The following RIMS3 variants were observed in gnomAD, a reference collection of about 807,000 sequenced individuals.
RIMS3 encodes regulating synaptic membrane exocytosis protein 3.
A neutral mutation model predicts 29.2 loss-of-function variants in RIMS3; 15 were observed. The ratio of observed to expected loss-of-function variants is 0.51; its 90% CI spans 0.34 to 0.79. The LOEUF is 0.79. RIMS3 is among the 30% of genes least tolerant of loss of function. RIMS3 has a pLI of 0.01. For synonymous variants in RIMS3, 161 were observed against 170.1 expected, an observed-to-expected ratio of 0.95 and a Z score of 0.41; for missense variants, 342 against 421.4, an observed-to-expected ratio of 0.81 and a Z score of 1.65.
In RIMS3 at chr1:40,622,258, T is replaced by G. The variant is rs1180390403; in HGVS notation, c.*4259A>C. ...ATTGCTCTGAGATGCTCAGGCACGCTTTTAAAAGAATCCTTTCCCAGCCAG... is the reference window on the plus strand; with the variant it reads ...ATTGCTCTGAGATGCTCAGGCACGCGTTTAAAAGAATCCTTTCCCAGCCAG... On this transcript the variant is annotated 3_prime_UTR_variant, in exon 8 of 8. Transcript: ENST00000372684. 6.5e-6 allele frequency: 1 copy of G among 152,704 alleles called. No homozygotes were observed. The highest frequency in any genetic ancestry group is 1.5e-5 in the Non-Finnish European group (1 of 68,094). 9.5% of individuals were successfully genotyped at this position (152,704 alleles called of 1,614,324 possible).
upstream of RIMS3, among the ~76,000 whole-genome samples, chr1:40,666,778 G>A (rs1642433214): frequency 6.6e-6 from 1 of 152,134 alleles, no homozygotes; most frequent in African/African-American, 2.4e-5. Flanking sequence ...CTGTACCAGT[G>A]TTTTGGGAGG....
At position 40,635,870 on chromosome 1, in the gene RIMS3, A is replaced by C. The variant is rs937439674; in HGVS notation, c.359+46T>G. 1 of 1,599,800 alleles carries C rather than the reference A, an allele frequency of 6.3e-7. No homozygotes were observed. Among genetic ancestry groups the C allele is most frequent in the South Asian group, 1.1e-5 (1 of 90,664 alleles). ...CCCTGCCCAGTGGCTCTGTGACTGG[A>C]GGACCGAGGAGGAGGGAGGGGACCA... On this transcript the variant is annotated intron_variant, in intron 4 of 7. Transcript: ENST00000372684. This position sits in a 1 kb window ranked among gnomAD's most constrained non-coding sequence, Gnocchi z 4.1.
the RIMS3 span, among the ~76,000 whole-genome samples, chr1:40,678,493 C>T: frequency 6.6e-6 from 1 of 152,210 alleles, no homozygotes; most frequent in African/African-American, 2.4e-5. Flanking sequence ...CATCCTTCCC[C>T]GGCCCCTCTG....
intron 1 of RIMS3, among the ~76,000 whole-genome samples, chr1:40,650,465 C>T (rs571396685): frequency 1.3e-5 from 2 of 152,328 alleles, no homozygotes; most frequent in South Asian, 4.1e-4. Flanking sequence ...CCCACAAGCC[C>T]ATGTGAACTG....
chr1:40,684,200 A>G, the RIMS3 span, among the ~76,000 whole-genome samples: 1 of 152,238 alleles, frequency 6.6e-6, no homozygotes, highest in Non-Finnish European at 1.5e-5. Flanking sequence ...GGTCTTCAGA[A>G]TGATAAAGCA....
At chr1:40,661,870 C>A (rs1311290406) in intron 1 of RIMS3, among the ~76,000 whole-genome samples, 1 of 152,202 alleles carries the variant, frequency 6.6e-6, no homozygotes, top group Non-Finnish European at 1.5e-5. Flanking sequence ...GTTGGGAGAA[C>A]CTGGCCCCAA....
intron 6 of RIMS3, 91 bp from the exon 7 acceptor site, chr1:40,629,040 G>C: frequency 6.5e-7 from 1 of 1,527,612 alleles, no homozygotes; most frequent in Admixed American, 1.7e-5. Context: ...TCTTGGAGGT[G>C]AGCAGGATGT....
chr1:40,691,033 C>G, the RIMS3 span: 1 of 152,176 alleles, frequency 6.6e-6, no homozygotes, highest in African/African-American at 2.4e-5. Flanking sequence ...GGATACAATC[C>G]TGATGCCTTT....
chr1:40,637,023 G>T (rs2148347847), intron 3 of RIMS3, among the ~76,000 whole-genome samples: 1 of 152,346 alleles, frequency 6.6e-6, no homozygotes, highest in Non-Finnish European at 1.5e-5. Context: ...ACTTGATGGG[G>T]AGGGAACTGG....
chr1:40,646,410 T>C (rs1646595829), intron 2 of RIMS3, among the ~76,000 whole-genome samples: 2 of 152,150 alleles, frequency 1.3e-5, no homozygotes, highest in South Asian at 4.1e-4. Flanking sequence ...CCGTGTCACA[T>C]GTTGGTGATT....
At chr1:40,628,770 CTG>C (rs745609504) in intron 7 of RIMS3, 38 bp downstream of exon 7, 8 of 1,613,868 alleles carry the variant, frequency 5.0e-6, no homozygotes, top group South Asian at 4.4e-5. Context: ...AACTTCCAGT[CTG>C]TGAGTCCACC....
the RIMS3 span, among the ~76,000 whole-genome samples, chr1:40,689,760 A>G: frequency 6.6e-6 from 1 of 152,198 alleles, no homozygotes; most frequent in African/African-American, 2.4e-5. Context: ...TTAGGCTTAT[A>G]TGTATCAATT....
Position 40,625,128 on chromosome 1 carries a change from T to A in RIMS3, c.*1389A>T, listed in dbSNP as rs1341815143. ...CGGGACAGATTTCACAGGGTCCAGT[T>A]CAGGCACTGGTCTCCACCAACAGGG... On this transcript the variant is annotated 3_prime_UTR_variant, in exon 8 of 8. Transcript: ENST00000372684. 1 of 152,454 alleles carries A rather than the reference T, an allele frequency of 6.6e-6. No individual in the cohort carries two copies. 9.4% of individuals were successfully genotyped at this position (152,454 alleles called of 1,614,324 possible).
chr1:40,631,729 C>T (rs558583151), intron 5 of RIMS3, among the ~76,000 whole-genome samples: 14 of 151,654 alleles, frequency 9.2e-5, no homozygotes, highest in South Asian at 2.1e-4. Context: ...CCTGTAATCC[C>T]GGTACTTTGG....
rs750564585 is a variant in RIMS3, at chr1:40,629,388, G to A, written c.473-16C>T. On this transcript the variant is annotated splice_polypyrimidine_tract_variant and intron_variant, in intron 5 of 7. Coordinates refer to ENST00000372684, the MANE Select transcript of RIMS3 (RefSeq NM_014747.3). Reference sequence around the variant, plus strand: ...TGCACATCTCCTGAAAGGAAGAAGAGGGTGAGTCCAGGCAGGGCCAGACCA... The same window carrying A: ...TGCACATCTCCTGAAAGGAAGAAGAAGGTGAGTCCAGGCAGGGCCAGACCA... The A allele has an allele frequency of 2.8e-5, 45 of 1,609,166 alleles. No homozygotes were observed. In the African/African-American group the frequency reaches 5.9e-4, roughly 21 times the overall value.
the RIMS3 span, among the ~76,000 whole-genome samples, chr1:40,672,182 G>A: frequency 6.7e-6 from 1 of 148,946 alleles, no homozygotes; most frequent in African/African-American, 2.5e-5. Context: ...AGAGGTAGGA[G>A]ATAGCTAGAT....
chr1:40,644,368 T>G (rs1646580649), intron 2 of RIMS3, among the ~76,000 whole-genome samples: 1 of 152,212 alleles, frequency 6.6e-6, no homozygotes, highest in African/African-American at 2.4e-5. Flanking sequence ...ATATAGACAT[T>G]TACTCTCCCT....
intron 1 of RIMS3, among the ~76,000 whole-genome samples, chr1:40,661,800 T>C (rs1382772287): frequency 6.6e-6 from 1 of 152,220 alleles, no homozygotes; most frequent in African/African-American, 2.4e-5. Context: ...AGAGCTGGGA[T>C]GTGGGCACAG....
rs58578342 is a variant in RIMS3 at position 40,650,863 on chromosome 1, C to CAAAAAAAAA, written c.-206-3030_-206-3022dup. On this transcript the variant is annotated intron_variant, in intron 1 of 7. Coordinates refer to ENST00000372684, the MANE Select transcript of RIMS3 (RefSeq NM_014747.3). ...CCTGGATGACAGAGCCAGACTCTGT[C>CAAAAAAAAA]AAAAAAAAAAAAAAAAAAAAAAAAA... Among the ~76,000 whole-genome samples, 6 of 64,566 alleles carry CAAAAAAAAA rather than the reference C, an allele frequency of 9.3e-5. 1 individual carries two copies. The highest frequency in any genetic ancestry group is 4.6e-4 in the African/African-American group (6 of 13,130). 42.4% of individuals were successfully genotyped at this position (64,566 alleles called of 152,430 possible).
Sources: allele counts gnomAD v4.1 joint callset (sites outside exome capture counted in the v4.1 genomes callset), GRCh38; gene constraint gnomAD v4.1.1; non-coding constraint Gnocchi (gnomAD v3.1); transcripts MANE v1.5; gene names NCBI Gene and HGNC (gene_info 2026-07-23, HGNC 2026-07-21).